NAA11: variants seen among roughly 807,000 people sequenced by gnomAD.
The protein encoded by NAA11 is N-alpha-acetyltransferase 11, NatA catalytic subunit.
Under a neutral mutation model 16.1 loss-of-function variants are expected in NAA11, and 15 were observed. The ratio of observed to expected loss-of-function variants is 0.93; its 90% CI spans 0.62 to 1.44. The LOEUF (loss-of-function observed/expected upper bound fraction) is 1.44. Among genes scored for constraint, NAA11 ranks in the 40% most tolerant of loss-of-function variants. The probability of loss-of-function intolerance (pLI) is 0.00; values close to 1 mark genes in which losing one functional copy is unlikely to be tolerated. For missense variants in NAA11, 298 were observed against 291.3 expected (o/e 1.02, Z -0.17); for synonymous variants, 122 against 112.4 (o/e 1.09, Z -0.54).
chr4:79,251,888 T>A (rs571417549), intron 2 of NAA11, among the ~76,000 whole-genome samples: 1 of 152,278 alleles, frequency 6.6e-6, no homozygotes, highest in Admixed American at 6.5e-5. Context: ...AAAAAACATC[T>A]GCACTCGTAT....
intron 2 of NAA11, among the ~76,000 whole-genome samples, chr4:79,235,339 G>C (rs920949828): frequency 7.2e-5 from 11 of 151,994 alleles, no homozygotes; most frequent in Admixed American, 2.6e-4. Context: ...GAGCTAACAG[G>C]CTTTATCGAC....
intron 2 of NAA11, among the ~76,000 whole-genome samples, chr4:79,257,105 A>G: frequency 6.6e-6 from 1 of 152,178 alleles, no homozygotes; most frequent in East Asian, 1.9e-4. Flanking sequence ...TTTTTATTAA[A>G]TCTTTGAAAT....
At chr4:79,166,397 G>A in the NAA11 span, among the ~76,000 whole-genome samples, 1 of 151,670 alleles carries the variant, frequency 6.6e-6, no homozygotes, top group Non-Finnish European at 1.5e-5. Context: ...TGATGTGGGG[G>A]CTGGAGTGTA....
the NAA11 span, among the ~76,000 whole-genome samples, chr4:79,186,294 A>G: frequency 6.6e-6 from 1 of 152,228 alleles, no homozygotes; most frequent in African/African-American, 2.4e-5. Flanking sequence ...AGGTGAATCA[A>G]AATATGAATC....
At chr4:79,272,078 A>G (rs1177008502) in intron 2 of NAA11, among the ~76,000 whole-genome samples, 1 of 151,890 alleles carries the variant, frequency 6.6e-6, no homozygotes, top group East Asian at 1.9e-4. Flanking sequence ...TATACAACAC[A>G]CACATATATT....
chr4:79,216,943 T>C, the NAA11 span, among the ~76,000 whole-genome samples: 5 of 152,340 alleles, frequency 3.3e-5, no homozygotes, highest in African/African-American at 4.8e-5. Flanking sequence ...GAAATTCAAA[T>C]TGAGTGCACC....
the NAA11 span, among the ~76,000 whole-genome samples, chr4:79,158,392 T>C: frequency 2.0e-5 from 3 of 151,836 alleles, no homozygotes; most frequent in Non-Finnish European, 4.4e-5. Flanking sequence ...AACTTAACAA[T>C]ATACCTAACT....
chr4:79,224,871 T>A (rs1462269428), downstream of NAA11, among the ~76,000 whole-genome samples: 2 of 152,030 alleles, frequency 1.3e-5, no homozygotes, highest in Non-Finnish European at 2.9e-5. Flanking sequence ...GGACTAATCA[T>A]GCAAAAAATA....
intron 2 of NAA11, among the ~76,000 whole-genome samples, chr4:79,238,740 G>T (rs191633554): frequency 6.6e-5 from 10 of 152,310 alleles, no homozygotes; most frequent in African/African-American, 1.9e-4. Context: ...CAGTTGTTCA[G>T]TCATAAGAGA....
At chr4:79,219,536 C>T in the NAA11 span, among the ~76,000 whole-genome samples, 5 of 152,034 alleles carry the variant, frequency 3.3e-5, no homozygotes, top group Non-Finnish European at 5.9e-5. Flanking sequence ...CTAAAATGGA[C>T]CTTAGGGGAA....
At chr4:79,277,718 C>T (rs756329976) in intron 2 of NAA11, among the ~76,000 whole-genome samples, 6 of 152,096 alleles carry the variant, frequency 3.9e-5, no homozygotes, top group Non-Finnish European at 7.4e-5. Flanking sequence ...CCAAAGCACT[C>T]ACCCCGTCAT....
chr4:79,253,201 G>C (rs1452139209), intron 2 of NAA11, among the ~76,000 whole-genome samples: 1 of 152,202 alleles, frequency 6.6e-6, no homozygotes, highest in Non-Finnish European at 1.5e-5. Context: ...TAAAGACTAG[G>C]AGATAATCAT....
chr4:79,280,194 CAAT>C (rs1452419905), intron 2 of NAA11, among the ~76,000 whole-genome samples: 10 of 152,072 alleles, frequency 6.6e-5, no homozygotes, highest in African/African-American at 2.4e-4. Flanking sequence ...TTCCAGAAGA[CAAT>C]GATGATTGAA....
the NAA11 span, among the ~76,000 whole-genome samples, chr4:79,156,434 A>G: frequency 6.6e-6 from 1 of 152,102 alleles, no homozygotes; most frequent in Admixed American, 6.5e-5. Context: ...GAGGCTGGCA[A>G]GTCTAAAATC....
At chr4:79,270,263 A>G (rs35840311) in intron 2 of NAA11, among the ~76,000 whole-genome samples, 93,212 of 150,966 alleles carry the variant, frequency 0.62, 30,042 homozygotes, top group African/African-American at 0.8. Flanking sequence ...AGCTTGATGG[A>G]GATGGCATTG....
chr4:79,189,045 C>T, the NAA11 span, among the ~76,000 whole-genome samples: 2 of 149,712 alleles, frequency 1.3e-5, no homozygotes, highest in Admixed American at 1.3e-4. Flanking sequence ...ACTCGGGAGG[C>T]TGAGGCAGGA....
At chr4:79,174,532 T>C in the NAA11 span, among the ~76,000 whole-genome samples, 1 of 152,124 alleles carries the variant, frequency 6.6e-6, no homozygotes, top group African/African-American at 2.4e-5. Flanking sequence ...TACTGGCCAT[T>C]GCTACATAGA....
At chr4:79,175,862 G>A in the NAA11 span, among the ~76,000 whole-genome samples, 1 of 151,992 alleles carries the variant, frequency 6.6e-6, no homozygotes, top group African/African-American at 2.4e-5. Flanking sequence ...TCAGCCCAAG[G>A]CATTTTGCCT....
downstream of NAA11, among the ~76,000 whole-genome samples, chr4:79,313,678 G>C (rs1187745415): frequency 6.6e-6 from 1 of 152,264 alleles, no homozygotes; most frequent in South Asian, 2.1e-4. Flanking sequence ...TGCACCTCAA[G>C]GAAATGATCT....
Sources: gnomAD v4.1 joint callset for allele counts (sites outside exome capture counted in the v4.1 genomes callset) on GRCh38, gnomAD v4.1.1 for gene constraint, MANE v1.5 for transcripts, NCBI Gene and HGNC (gene_info 2026-07-23, HGNC 2026-07-21) for gene names.